WSCD1: variants seen among roughly 807,000 people sequenced by gnomAD.
The protein encoded by WSCD1 is sialate:O-sulfotransferase 1.
A neutral mutation model predicts 60.4 loss-of-function variants in WSCD1; 41 were observed. The observed-to-expected ratio is 0.68, with a 90% CI of 0.53 to 0.88. The LOEUF (loss-of-function observed/expected upper bound fraction) is 0.88, where lower values mean the gene tolerates loss of function less well. Among genes scored for constraint, WSCD1 ranks in the 40% least tolerant of loss-of-function variants. The pLI, the probability that WSCD1 is intolerant of heterozygous loss-of-function variation, is 0.00. For synonymous variants in WSCD1, 361 were observed against 332.5 expected (o/e 1.09, Z -0.93); for missense variants, 784 against 796.2 (o/e 0.98, Z 0.18).
At chr17:6,113,402 G>A (rs181480093) in intron 7 of WSCD1, among the ~76,000 whole-genome samples, 3 of 152,234 alleles carry the variant, frequency 2.0e-5, no homozygotes, top group East Asian at 1.9e-4. Context: ...AGAAGAAAAC[G>A]GGGAATATTT....
At chr17:6,091,111 C>G (rs1910011116) in intron 4 of WSCD1, among the ~76,000 whole-genome samples, 1 of 152,148 alleles carries the variant, frequency 6.6e-6, no homozygotes, top group African/African-American at 2.4e-5. Context: ...CCAGGCTGGT[C>G]TTGAATTACT....
Position 6,120,482 on chromosome 17 carries a change from C to T in WSCD1, c.1549C>T (p.Leu517=), listed in dbSNP as rs778566068. ...CAACGTGTCTGTGAGCGAGGAGCGGCTGCTCTGCGTGGAGAACAACAAGGA... is the reference window on the plus strand; with the variant it reads ...CAACGTGTCTGTGAGCGAGGAGCGGTTGCTCTGCGTGGAGAACAACAAGGA... ...FLNVSVSEER[L]LCVENNKEGS... The change falls in exon 9 of 9, where the codon CTG becomes TTG. Residue 517 remains leucine (L), a synonymous_variant. Transcript: ENST00000317744. The T allele has an allele frequency of 2.6e-5, 42 of 1,613,902 alleles. No individual in the cohort carries two copies. Among genetic ancestry groups the T allele is most frequent in the South Asian group, 3.3e-5 (3 of 91,094 alleles).
At chr17:6,091,250 A>G (rs959844978) in intron 4 of WSCD1, among the ~76,000 whole-genome samples, 5 of 152,242 alleles carry the variant, frequency 3.3e-5, no homozygotes, top group Non-Finnish European at 5.9e-5. Context: ...TTCCCTAACT[A>G]TAAAGCACCT....
At position 6,118,201 on chromosome 17, in the gene WSCD1, C is replaced by G. The variant is rs1188218025; in HGVS notation, c.1375+13C>G. ...TGGAAGAGCAAAGGTAATCAAGGAC[C>G]TTGCGGTGGGGGTGGGAGGCTTGTC... On this transcript the variant is annotated intron_variant, in intron 8 of 8. Transcript: ENST00000317744. The surrounding 1 kb of genome is among the most constrained non-coding windows in gnomAD (Gnocchi z 5.8). 6.2e-7 allele frequency: 1 copy of G among 1,612,956 alleles called. No homozygotes were observed. The highest frequency in any genetic ancestry group is 8.5e-7 in the Non-Finnish European group (1 of 1,179,624).
rs1315409568 is a variant in WSCD1 at position 6,120,379 on chromosome 17, G to GA, written c.1448dup (p.Arg484AlafsTer56). 2.5e-6 allele frequency: 4 copies of GA among 1,613,976 alleles called. No individual in the cohort carries two copies. The highest frequency in any genetic ancestry group is 3.4e-6 in the Non-Finnish European group (4 of 1,180,040). ...ACGTCCTGGACTGGCTCAAGTACGG[G>GA]AAGCGGCTGCTGGTGGTGCACTACG... On this transcript the variant is annotated frameshift_variant, in exon 9 of 9. Transcript: ENST00000317744. LOFTEE classifies it high-confidence loss of function.
rs1350519021 is a variant in WSCD1 at position 6,120,733 on chromosome 17, T to C, written c.*72T>C. 6.7e-7 allele frequency: 1 copy of C among 1,492,950 alleles called. No individual in the cohort carries two copies. Among genetic ancestry groups the C allele is most frequent in the South Asian group, 1.3e-5 (1 of 77,972 alleles). The allele number at this position is 1,492,950 out of a possible 1,614,324, so 92.5% of individuals were successfully genotyped here. A position where few individuals can be genotyped will look rare whatever the true frequency, so the allele number is the denominator to read the frequency against. On this transcript the variant is annotated 3_prime_UTR_variant, in exon 9 of 9. Coordinates refer to ENST00000317744, the MANE Select transcript of WSCD1 (RefSeq NM_015253.2). ...CACGGGGCTGCGCTCCCCACTCTGA[T>C]GCTCAGGCCCGTGGCCTCACTGGGA... is the stretch of plus-strand genomic sequence containing the variant.
At position 6,103,748 on chromosome 17, in the gene WSCD1, G is replaced by C. The variant is rs1020290560; in HGVS notation, c.850-5859G>C. Among the ~76,000 whole-genome samples the C allele has an allele frequency of 2.6e-5, 4 of 152,284 alleles. No homozygotes were observed. In the East Asian group the frequency reaches 7.7e-4, roughly 29 times the overall value. On this transcript the variant is annotated intron_variant, in intron 5 of 8. Coordinates refer to ENST00000317744, the MANE Select transcript of WSCD1 (RefSeq NM_015253.2). ...TTTGTGGAGAAAAGTGAATGCTGTG[G>C]GGGTGGGAGGAAGCCCCTGCCTCTG...
At chr17:6,078,509 G>A (rs1909010987) in intron 1 of WSCD1, among the ~76,000 whole-genome samples, 1 of 152,190 alleles carries the variant, frequency 6.6e-6, no homozygotes, top group Non-Finnish European at 1.5e-5. Flanking sequence ...CAAAGGCACC[G>A]AGGCAGATGT....
chr17:6,105,418 C>G, intron 5 of WSCD1, among the ~76,000 whole-genome samples: 1 of 152,156 alleles, frequency 6.6e-6, no homozygotes, highest in East Asian at 1.9e-4. Flanking sequence ...AGCACCCTTT[C>G]TCTCTCTCAC....
chr17:6,082,409 C>T (rs1476552403), intron 2 of WSCD1, among the ~76,000 whole-genome samples: 2 of 152,216 alleles, frequency 1.3e-5, no homozygotes, highest in Non-Finnish European at 2.9e-5. Context: ...GAATACACAT[C>T]TCAAAGGACC....
chr17:6,070,902 C>T (rs1246042293), intron 1 of WSCD1, among the ~76,000 whole-genome samples: 2 of 23,996 alleles, frequency 8.3e-5, no homozygotes, highest in African/African-American at 1.8e-4. Flanking sequence ...TCGGCGCGGC[C>T]GGGATGGGGT....
chr17:6,114,736 C>A (rs1254046660), intron 7 of WSCD1, among the ~76,000 whole-genome samples: 1 of 151,926 alleles, frequency 6.6e-6, no homozygotes, highest in African/African-American at 2.4e-5. Context: ...AGGTTTGTTA[C>A]ATAGGTATGC....
chr17:6,082,465 G>T (rs564919355), intron 2 of WSCD1, among the ~76,000 whole-genome samples: 95 of 152,336 alleles, frequency 6.2e-4, no homozygotes, highest in Admixed American at 1.2e-3. Flanking sequence ...ACACGGCAGG[G>T]TCTACCATCG....
chr17:6,084,605 G>A (rs1909507317), intron 2 of WSCD1, among the ~76,000 whole-genome samples: 1 of 152,236 alleles, frequency 6.6e-6, no homozygotes, highest in African/African-American at 2.4e-5. Context: ...ATGTCTGTAA[G>A]TTTACTAGGG....
chr17:6,077,367 A>G (rs949045362), intron 1 of WSCD1, among the ~76,000 whole-genome samples: 7 of 152,142 alleles, frequency 4.6e-5, no homozygotes, highest in Non-Finnish European at 8.8e-5. Flanking sequence ...GATTACAGGC[A>G]TGAGCCACTA....
chr17:6,113,917 C>T (rs983179645), intron 7 of WSCD1, among the ~76,000 whole-genome samples: 8 of 151,796 alleles, frequency 5.3e-5, no homozygotes, highest in East Asian at 3.9e-4. Context: ...ACAGCTCTTA[C>T]GGAAAATAGT....
intron 7 of WSCD1, among the ~76,000 whole-genome samples, chr17:6,113,572 G>A (rs1911525823): frequency 6.6e-6 from 1 of 152,122 alleles, no homozygotes; most frequent in Non-Finnish European, 1.5e-5. Flanking sequence ...CCTGCAGAAT[G>A]GGAGAAAATA....
Position 6,090,367 on chromosome 17 carries a change from G to A in WSCD1, c.589G>A (p.Gly197Arg), listed in dbSNP as rs767180071. Residue 197 changes from glycine (G) to arginine (R), a missense_variant, in exon 4 of 9, where the codon GGG becomes AGG. By Grantham distance (125) the Gly-to-Arg change is moderately radical. Coordinates refer to ENST00000317744, the MANE Select transcript of WSCD1 (RefSeq NM_015253.2). ...GLEAGAECYC[G>R]NRLPAVSVGL... ...GGAGGCCGGGGCGGAGTGTTACTGC[G>A]GGAACCGGCTGCCAGCGGTGAGCGT... is the stretch of plus-strand genomic sequence containing the variant. 5.6e-6 allele frequency: 9 copies of A among 1,609,114 alleles called. No homozygotes were observed. The highest frequency in any genetic ancestry group is 1.1e-5 in the South Asian group (1 of 90,282).
At chr17:6,095,937 G>A (rs1168315187) in intron 5 of WSCD1, among the ~76,000 whole-genome samples, 5 of 152,162 alleles carry the variant, frequency 3.3e-5, no homozygotes, top group African/African-American at 1.2e-4. Context: ...TTGGGGCTGG[G>A]GCTGTTTCAC....
Sources: allele counts gnomAD v4.1 joint callset (sites outside exome capture counted in the v4.1 genomes callset), GRCh38; gene constraint gnomAD v4.1.1; non-coding constraint Gnocchi (gnomAD v3.1); transcripts MANE v1.5; gene names NCBI Gene and HGNC (gene_info 2026-07-23, HGNC 2026-07-21).